Variants in PIK3CA observed in about 807,000 individuals in gnomAD.
PIK3CA encodes phosphatidylinositol-4,5-bisphosphate 3-kinase catalytic subunit alpha.
In PIK3CA, 27 loss-of-function variants were observed where a neutral mutation model predicts 138.2. The observed-to-expected ratio is 0.20, with a 90% CI of 0.14 to 0.27. PIK3CA has a LOEUF of 0.27. Ranked by LOEUF, PIK3CA falls within the 10% of genes least tolerant of loss-of-function variation. The pLI, the probability that PIK3CA is intolerant of heterozygous loss-of-function variation, is 1.00. For synonymous variants in PIK3CA, 358 were observed against 413.2 expected, an observed-to-expected ratio of 0.87 and a Z score of 1.62; for missense variants, 544 against 1,277.4, an observed-to-expected ratio of 0.43 and a Z score of 8.75.
intron 1 of PIK3CA, among the ~76,000 whole-genome samples, chr3:179,177,894 CAG>C (rs1383968696): frequency 1.3e-5 from 2 of 151,806 alleles, no homozygotes; most frequent in Non-Finnish European, 2.9e-5. Flanking sequence ...GTTAAAAAAA[CAG>C]AAATTCCCAG....
chr3:179,204,335 T>C (rs1724498777), intron 5 of PIK3CA, among the ~76,000 whole-genome samples, 168 bp from the exon 6 acceptor site: 1 of 152,192 alleles, frequency 6.6e-6, no homozygotes, highest in Non-Finnish European at 1.5e-5. Flanking sequence ...CAGCAACTAA[T>C]TTTGGTGAAG....
intron 1 of PIK3CA, among the ~76,000 whole-genome samples, chr3:179,173,693 GAAGAAAACT>G (rs897446726): frequency 7.9e-5 from 12 of 152,254 alleles, no homozygotes; most frequent in Middle Eastern, 3.4e-3. Context: ...GACAACAAAG[GAAGAAAACT>G]TGTAGAGGTG....
At chr3:179,199,289 T>C (rs931483896) in intron 2 of PIK3CA, 112 bp downstream of exon 2, 4 of 632,954 alleles carry the variant, frequency 6.3e-6, no homozygotes, top group African/African-American at 2.2e-5. Flanking sequence ...AATAGCTTTC[T>C]AAATAAAAAT....
intron 10 of PIK3CA, 79 bp downstream of exon 10, chr3:179,218,413 G>A (rs1724891791): frequency 8.8e-7 from 1 of 1,140,492 alleles, no homozygotes; most frequent in Admixed American, 2.3e-5. Context: ...ATCTCAGCAT[G>A]TTTTTACCAT....
At chr3:179,227,006 T>TA (rs1040433862) in intron 17 of PIK3CA, among the ~76,000 whole-genome samples, 1 of 152,016 alleles carries the variant, frequency 6.6e-6, no homozygotes, top group Non-Finnish European at 1.5e-5. Flanking sequence ...GAATAGACTG[T>TA]AAAAAAGATT....
At chr3:179,195,130 G>T (rs1230745392) in intron 1 of PIK3CA, among the ~76,000 whole-genome samples, 1 of 151,898 alleles carries the variant, frequency 6.6e-6, no homozygotes, top group African/African-American at 2.4e-5. Flanking sequence ...ACTGGAAGCA[G>T]CTGGGAAAGC....
intron 1 of PIK3CA, among the ~76,000 whole-genome samples, chr3:179,188,284 C>T: frequency 6.6e-6 from 1 of 152,182 alleles, no homozygotes; most frequent in East Asian, 1.9e-4. Flanking sequence ...GTTAGGCTCT[C>T]TTTGTGGTTT....
rs138893160 is a variant in PIK3CA at position 179,185,294 on chromosome 3, A to C, written c.-76-13456A>C. ...CAGCTTCTTACAGATCTTTAAAAGA[A>C]TCAGGTCAAGTGATTTGAAAGACAT... On this transcript the variant is annotated intron_variant, in intron 1 of 20. Coordinates refer to ENST00000263967, the MANE Select transcript of PIK3CA (RefSeq NM_006218.4). Among the ~76,000 whole-genome samples the C allele has an allele frequency of 1.5e-3, 221 of 152,348 alleles. 2 individuals carry two copies. In the East Asian group the frequency reaches 0.033, roughly 23 times the overall value.
intron 6 of PIK3CA, among the ~76,000 whole-genome samples, chr3:179,206,387 A>G (rs1258915068): frequency 6.6e-6 from 1 of 152,132 alleles, no homozygotes; most frequent in Non-Finnish European, 1.5e-5. Flanking sequence ...TGCTAAAACA[A>G]GAGTTTATAT....
At chr3:179,216,163 C>T (rs548735969) in intron 9 of PIK3CA, among the ~76,000 whole-genome samples, 1 of 152,276 alleles carries the variant, frequency 6.6e-6, no homozygotes, top group South Asian at 2.1e-4. Flanking sequence ...CCTAAACTGT[C>T]TCTCAGTTAT....
At chr3:179,211,244 A>C (rs1181454826) in intron 9 of PIK3CA, among the ~76,000 whole-genome samples, 1 of 152,216 alleles carries the variant, frequency 6.6e-6, no homozygotes, top group Non-Finnish European at 1.5e-5. Flanking sequence ...AGAAATGCAA[A>C]CATATATAAA....
chr3:179,224,852 C>T (rs1276610171), intron 16 of PIK3CA, 31 bp downstream of exon 16: 2 of 1,510,068 alleles, frequency 1.3e-6, no homozygotes, highest in Admixed American at 1.8e-5. Flanking sequence ...GCTTATGATG[C>T]ATGAATTTAG....
intron 1 of PIK3CA, among the ~76,000 whole-genome samples, chr3:179,165,219 C>A (rs1576916093): frequency 6.6e-6 from 1 of 152,074 alleles, no homozygotes; most frequent in African/African-American, 2.4e-5. Context: ...ACAATAATCA[C>A]CCTAAAATAC....
chr3:179,212,787 GTAAAT>G (rs2108403755), intron 9 of PIK3CA, among the ~76,000 whole-genome samples: 1 of 152,212 alleles, frequency 6.6e-6, no homozygotes, highest in South Asian at 2.1e-4. Flanking sequence ...GTACAGTACT[GTAAAT>G]GAATTTTCTC....
intron 4 of PIK3CA, among the ~76,000 whole-genome samples, chr3:179,202,275 T>C (rs1390236690): frequency 6.6e-6 from 1 of 152,136 alleles, no homozygotes; most frequent in Non-Finnish European, 1.5e-5. Flanking sequence ...AGTCTCATAT[T>C]GTCCAGGTTG....
chr3:179,165,069 A>G (rs1288118104), intron 1 of PIK3CA, among the ~76,000 whole-genome samples: 1 of 151,966 alleles, frequency 6.6e-6, no homozygotes, highest in Non-Finnish European at 1.5e-5. Flanking sequence ...CTGTCCTTCT[A>G]CCTTTCTACT....
chr3:179,187,672 C>T (rs1724024927), intron 1 of PIK3CA, among the ~76,000 whole-genome samples: 1 of 151,228 alleles, frequency 6.6e-6, no homozygotes, highest in African/African-American at 2.4e-5. Flanking sequence ...GAGTCTTGCT[C>T]TGTCGCCCAG....
At chr3:179,227,164 T>C (rs1725102145) in intron 17 of PIK3CA, among the ~76,000 whole-genome samples, 2 of 152,104 alleles carry the variant, frequency 1.3e-5, no homozygotes, top group African/African-American at 4.8e-5. Flanking sequence ...TTTCTGAATA[T>C]TTTTTAACTT....
rs1320856522 is a variant in PIK3CA at position 179,234,661 on chromosome 3, C to T, written c.*297C>T. On this transcript the variant is annotated 3_prime_UTR_variant, in exon 21 of 21. Coordinates refer to ENST00000263967, the MANE Select transcript of PIK3CA (RefSeq NM_006218.4). The surrounding 1 kb of genome is among the most constrained non-coding windows in gnomAD (Gnocchi z 5.1). Reference sequence around the variant, plus strand: ...ATTGTTTGTATCTTTTTTTAAAAAACAAAACAAAACAAAAATCCCCAAAAT... The same window carrying T: ...ATTGTTTGTATCTTTTTTTAAAAAATAAAACAAAACAAAAATCCCCAAAAT... The T allele has an allele frequency of 7.5e-6, 2 of 266,456 alleles. No homozygotes were observed. The highest frequency in any genetic ancestry group is 1.4e-5 in the Non-Finnish European group (2 of 142,034). The allele number at this position is 266,456 out of a possible 1,614,324, so 16.5% of individuals were successfully genotyped here. A position where few individuals can be genotyped will look rare whatever the true frequency, so the allele number is the denominator to read the frequency against.
Sources: gnomAD v4.1 joint callset for allele counts (sites outside exome capture counted in the v4.1 genomes callset) on GRCh38, gnomAD v4.1.1 for gene constraint, Gnocchi (gnomAD v3.1) non-coding constraint, MANE v1.5 for transcripts, NCBI Gene and HGNC (gene_info 2026-07-23, HGNC 2026-07-21) for gene names.